Variants in BBX observed in about 807,000 individuals in gnomAD.
The protein encoded by BBX is HMG box transcription factor BBX.
In BBX, 30 loss-of-function variants were observed where a neutral mutation model predicts 100.2. That is an observed-to-expected ratio of 0.30 (90% CI 0.22 to 0.41). BBX has a LOEUF of 0.41. BBX is among the 10% of genes least tolerant of loss of function. BBX has a pLI of 1.00. For synonymous variants in BBX, 376 were observed against 388.1 expected (o/e 0.97, Z 0.37); for missense variants, 1,023 against 1,129.8 (o/e 0.91, Z 1.35).
intron 2 of BBX, among the ~76,000 whole-genome samples, chr3:107,536,636 T>A (rs1049239013): frequency 1.4e-4 from 21 of 152,302 alleles, no homozygotes; most frequent in African/African-American, 5.1e-4. Context: ...GCTTGTTTTC[T>A]TGGGTAATAT....
At chr3:107,603,981 G>T (rs1174266908) in intron 2 of BBX, among the ~76,000 whole-genome samples, 2 of 152,052 alleles carry the variant, frequency 1.3e-5, no homozygotes, top group African/African-American at 2.4e-5. Context: ...TGGCTTTATT[G>T]TGGTGGTCTG....
intron 2 of BBX, among the ~76,000 whole-genome samples, chr3:107,587,116 A>G (rs1028713817): frequency 3.9e-5 from 6 of 151,984 alleles, no homozygotes; most frequent in African/African-American, 1.4e-4. Flanking sequence ...ATATTCTACC[A>G]TTTCTTATGA....
At chr3:107,649,630 G>GTA (rs2057721224) in intron 3 of BBX, among the ~76,000 whole-genome samples, 2 of 137,488 alleles carry the variant, frequency 1.5e-5, no homozygotes, top group African/African-American at 5.1e-5. Context: ...ACATCCGACA[G>GTA]TGCATATCTA....
At chr3:107,597,842 T>G (rs753480783) in intron 2 of BBX, among the ~76,000 whole-genome samples, 16 of 151,860 alleles carry the variant, frequency 1.1e-4, no homozygotes, top group Admixed American at 4.6e-4. Flanking sequence ...CCAGAGGTTT[T>G]GTTTTGTTTT....
chr3:107,633,714 G>A (rs956872111), intron 2 of BBX, among the ~76,000 whole-genome samples: 2 of 152,222 alleles, frequency 1.3e-5, no homozygotes, highest in Non-Finnish European at 2.9e-5. Context: ...TTCCTCATAC[G>A]GAACCCCCAA....
At chr3:107,565,531 C>T (rs1050777662) in intron 2 of BBX, among the ~76,000 whole-genome samples, 12 of 150,850 alleles carry the variant, frequency 8.0e-5, no homozygotes, top group South Asian at 2.1e-4. Context: ...AGGGCAGTGG[C>T]GCAATCTCGG....
At chr3:107,662,529 AAG>A (rs2058506706) in intron 3 of BBX, 4 of 152,148 alleles carry the variant, frequency 2.6e-5, no homozygotes, top group Non-Finnish European at 5.9e-5. Context: ...TGATTATATG[AAG>A]TAATAAAGAA....
rs547579494 is a variant in BBX, at chr3:107,628,625, T to G, written c.-83-17211T>G. 7.8e-4 allele frequency among the ~76,000 whole-genome samples: 118 copies of G among 152,250 alleles called. 1 individual carries two copies. The highest frequency in any genetic ancestry group is 1.5e-3 in the Non-Finnish European group (99 of 68,000). On this transcript the variant is annotated intron_variant, in intron 2 of 17. Transcript: ENST00000325805. ...AAACCCTCCAGTTATCTTAGTGACA[T>G]AATATTAAAATTCACAGAACATTAG...
intron 2 of BBX, among the ~76,000 whole-genome samples, chr3:107,560,070 C>T (rs1365633858): frequency 6.6e-6 from 1 of 152,054 alleles, no homozygotes; most frequent in Non-Finnish European, 1.5e-5. Context: ...GTCTCTTAAC[C>T]TCTCGTTCAG....
intron 6 of BBX, 42 bp from the exon 7 acceptor site, chr3:107,732,914 C>G: frequency 6.6e-7 from 1 of 1,519,320 alleles, no homozygotes; most frequent in Non-Finnish European, 9.1e-7. Context: ...ATTGTATGTA[C>G]TTTATGCTTA....
chr3:107,761,433 G>A (rs567695831), intron 10 of BBX, among the ~76,000 whole-genome samples: 1 of 152,310 alleles, frequency 6.6e-6, no homozygotes, highest in East Asian at 1.9e-4. Context: ...GGAGTGGAAA[G>A]CCCCTGTGGA....
chr3:107,560,388 TAAAAG>T (rs2050401387), intron 2 of BBX, among the ~76,000 whole-genome samples: 1 of 152,136 alleles, frequency 6.6e-6, no homozygotes, highest in Non-Finnish European at 1.5e-5. Context: ...GATTTATAAA[TAAAAG>T]AAACAGTGAA....
chr3:107,662,999 C>T (rs2058541984), intron 3 of BBX: 1 of 152,070 alleles, frequency 6.6e-6, no homozygotes, highest in South Asian at 2.1e-4. Context: ...TTTGTATATA[C>T]AGAAAATGCT....
intron 17 of BBX, among the ~76,000 whole-genome samples, chr3:107,802,277 C>T (rs532874492): frequency 4.6e-5 from 7 of 152,336 alleles, no homozygotes; most frequent in South Asian, 2.1e-4. Flanking sequence ...AGTCCCCTGA[C>T]GTGAGCTTGG....
chr3:107,653,361 G>T (rs1441507386), intron 3 of BBX, among the ~76,000 whole-genome samples: 1 of 152,168 alleles, frequency 6.6e-6, no homozygotes, highest in Non-Finnish European at 1.5e-5. Context: ...TACATGTGAA[G>T]GTTGTGAGAT....
At chr3:107,563,095 C>G (rs1037156842) in intron 2 of BBX, among the ~76,000 whole-genome samples, 1 of 152,156 alleles carries the variant, frequency 6.6e-6, no homozygotes, top group East Asian at 1.9e-4. Context: ...ACAGCTTTGC[C>G]TCCCATGTGG....
At chr3:107,594,171 A>AT (rs2053523344) in intron 2 of BBX, among the ~76,000 whole-genome samples, 1 of 152,092 alleles carries the variant, frequency 6.6e-6, no homozygotes, top group African/African-American at 2.4e-5. Context: ...GCATCTGATA[A>AT]ATTTTTTTAT....
At chr3:107,545,390 C>G (rs1553722146) in intron 2 of BBX, among the ~76,000 whole-genome samples, 4 of 152,056 alleles carry the variant, frequency 2.6e-5, no homozygotes, top group Non-Finnish European at 5.9e-5. Context: ...TGTGAGGACT[C>G]AAGTTAAGAG....
At chr3:107,567,556 A>G (rs376536956) in intron 2 of BBX, among the ~76,000 whole-genome samples, 1 of 152,098 alleles carries the variant, frequency 6.6e-6, no homozygotes, top group Non-Finnish European at 1.5e-5. Context: ...TGATACTGCT[A>G]TACCTACTTT....
Sources: allele counts gnomAD v4.1 joint callset (sites outside exome capture counted in the v4.1 genomes callset), GRCh38; gene constraint gnomAD v4.1.1; transcripts MANE v1.5; gene names NCBI Gene and HGNC (gene_info 2026-07-23, HGNC 2026-07-21).